RAB40B: variants seen among roughly 807,000 people sequenced by gnomAD.
The protein encoded by RAB40B is RAB40B, member RAS oncogene family.
A neutral mutation model predicts 24.0 loss-of-function variants in RAB40B; 21 were observed. That is an observed-to-expected ratio of 0.88 (90% CI 0.62 to 1.26). The LOEUF is 1.26. Ranked by LOEUF, RAB40B falls within the 50% of genes most tolerant of loss-of-function variation. The pLI is 0.00. For missense variants in RAB40B, 348 were observed against 390.5 expected, an observed-to-expected ratio of 0.89 and a Z score of 0.92; for synonymous variants, 167 against 169.8, an observed-to-expected ratio of 0.98 and a Z score of 0.13.
intron 2 of RAB40B, chr17:82,662,608 C>G: frequency 4.1e-6 from 4 of 985,304 alleles, no homozygotes; most frequent in Non-Finnish European, 4.8e-6. Flanking sequence ...ACTCCGGGGT[C>G]CACGGTGGGA....
At chr17:82,662,926 G>C (rs1333412959) in intron 2 of RAB40B, among the ~76,000 whole-genome samples, 2 of 152,160 alleles carry the variant, frequency 1.3e-5, no homozygotes, top group Admixed American at 6.5e-5. Flanking sequence ...GTGGGGCCGA[G>C]TGCGGCCTTT....
intron 2 of RAB40B, 25 bp downstream of exon 2, chr17:82,664,471 A>G (rs1331659385): frequency 1.9e-6 from 3 of 1,609,202 alleles, no homozygotes; most frequent in Non-Finnish European, 2.5e-6. Flanking sequence ...GGGGTGCGGG[A>G]CGCTCGCACC....
intron 1 of RAB40B, among the ~76,000 whole-genome samples, chr17:82,672,104 C>G (rs111174352): frequency 0.24 from 4,422 of 18,366 alleles, no homozygotes; most frequent in Middle Eastern, 0.34. Flanking sequence ...CACCCCACCC[C>G]TGTAACTCTA....
chr17:82,668,062 G>A (rs1032779928), intron 1 of RAB40B, among the ~76,000 whole-genome samples: 10 of 152,198 alleles, frequency 6.6e-5, no homozygotes, highest in Admixed American at 3.9e-4. Context: ...TGAGCGAGAC[G>A]AGGAGGAGCT....
chr17:82,681,681 A>G (rs1230097908), intron 1 of RAB40B, among the ~76,000 whole-genome samples: 3 of 152,224 alleles, frequency 2.0e-5, no homozygotes, highest in African/African-American at 4.8e-5. Flanking sequence ...TAAAAAATAT[A>G]CCAAATTCGG....
Position 82,692,067 on chromosome 17 carries a change from G to A in RAB40B, c.142+6388C>T, listed in dbSNP as rs1450104271. 4.3e-4 allele frequency among the ~76,000 whole-genome samples: 44 copies of A among 103,258 alleles called. No individual in the cohort carries two copies. The highest frequency in any genetic ancestry group is 1.2e-3 in the Admixed American group (12 of 10,350). The allele number at this position is 103,258 out of a possible 152,430, so 67.7% of individuals were successfully genotyped here. On this transcript the variant is annotated intron_variant, in intron 1 of 5. Transcript: ENST00000571995. This position sits in a 1 kb window ranked among gnomAD's most constrained non-coding sequence, Gnocchi z 4.0. ...GCAGTGGGGCCCGCACGGTCCGTGG[G>A]CTGAGGTGACAGGCAGAGCAGTGGG...
At chr17:82,685,363 G>A (rs61268931) in intron 1 of RAB40B, among the ~76,000 whole-genome samples, 2,455 of 151,430 alleles carry the variant, frequency 0.016, 70 homozygotes, top group African/African-American at 0.057. Flanking sequence ...GCACTCAACT[G>A]AACGCAGATT....
At chr17:82,695,725 C>CAAAA (rs1488980078) in intron 1 of RAB40B, among the ~76,000 whole-genome samples, 1 of 149,096 alleles carries the variant, frequency 6.7e-6, no homozygotes, top group African/African-American at 2.6e-5. Context: ...AAATAAAAAA[C>CAAAA]AAAACATAAT....
chr17:82,660,222 C>T (rs1212874520), intron 3 of RAB40B, among the ~76,000 whole-genome samples: 1 of 152,010 alleles, frequency 6.6e-6, no homozygotes, highest in Non-Finnish European at 1.5e-5. Flanking sequence ...GATGCACACA[C>T]AGTGCACACA....
chr17:82,659,507 C>T, intron 4 of RAB40B, 73 bp downstream of exon 4: 1 of 1,490,798 alleles, frequency 6.7e-7, no homozygotes, highest in Non-Finnish European at 9.3e-7. Flanking sequence ...CCTGGAGGGC[C>T]CGGCCCTAAT....
At position 82,697,465 on chromosome 17, in the gene RAB40B, G is replaced by A. The variant is rs997578644; in HGVS notation, c.142+990C>T. On this transcript the variant is annotated intron_variant, in intron 1 of 5. Coordinates refer to ENST00000571995, the MANE Select transcript of RAB40B (RefSeq NM_006822.3). This position sits in a 1 kb window ranked among gnomAD's most constrained non-coding sequence, Gnocchi z 4.9. Reference sequence around the variant, plus strand: ...CCACCAAGACTCCATCTCCACGCCCGGCTGCCCTCCTCCGCCCAGGACTCA... The same window carrying A: ...CCACCAAGACTCCATCTCCACGCCCAGCTGCCCTCCTCCGCCCAGGACTCA... Among the ~76,000 whole-genome samples the A allele has an allele frequency of 1.3e-5, 2 of 152,084 alleles. No individual in the cohort carries two copies. The highest frequency in any genetic ancestry group is 2.4e-5 in the African/African-American group (1 of 41,410).
intron 1 of RAB40B, among the ~76,000 whole-genome samples, chr17:82,677,782 T>C (rs1224705033): frequency 6.6e-6 from 1 of 152,226 alleles, no homozygotes; most frequent in Non-Finnish European, 1.5e-5. Context: ...TGGGGCCCTC[T>C]GACCCCAGAT....
intron 2 of RAB40B, chr17:82,661,947 G>C: frequency 1.0e-6 from 1 of 985,196 alleles, no homozygotes; most frequent in Non-Finnish European, 1.2e-6. Flanking sequence ...TGCTCCCCAG[G>C]GATCAGTTCC....
chr17:82,664,139 C>A (rs186567521), intron 2 of RAB40B, among the ~76,000 whole-genome samples: 20 of 98,130 alleles, frequency 2.0e-4, no homozygotes, highest in African/African-American at 9.4e-4. Context: ...GGTGCTGTGC[C>A]GATGGTGGTG....
In RAB40B at chr17:82,656,348, C is replaced by T. The variant is rs575893188; in HGVS notation, c.*1515G>A. 2 of 152,304 alleles carry T rather than the reference C, an allele frequency of 1.3e-5. No individual in the cohort carries two copies. The highest frequency in any genetic ancestry group is 1.3e-4 in the Admixed American group (2 of 15,296). 9.4% of individuals were successfully genotyped at this position (152,304 alleles called of 1,614,324 possible). On this transcript the variant is annotated 3_prime_UTR_variant, in exon 6 of 6. Transcript: ENST00000571995. ...TTTGGTTTAGTCCCTCATTTGCGAC[C>T]CCCAGCCACAGAGAAACGTTCAACA...
chr17:82,666,041 ACCACACC>A (rs2046252018), intron 1 of RAB40B, among the ~76,000 whole-genome samples: 1 of 97,200 alleles, frequency 1.0e-5, no homozygotes, highest in Admixed American at 1.2e-4. Context: ...TGCACCTGCC[ACCACACC>A]TGCCACCGCA....
chr17:82,683,648 C>T (rs2046466408), intron 1 of RAB40B, among the ~76,000 whole-genome samples: 1 of 151,704 alleles, frequency 6.6e-6, no homozygotes, highest in African/African-American at 2.4e-5. Context: ...CAAAACTTTT[C>T]TTTTTTTAAT....
rs1491332013 is a variant in RAB40B, at chr17:82,655,953, T to TTTC, written c.*1909_*1910insGAA. 1.5e-5 allele frequency: 2 copies of TTTC among 134,066 alleles called. No individual in the cohort carries two copies. The highest frequency in any genetic ancestry group is 3.9e-4 in the East Asian group (2 of 5,104). The allele number at this position is 134,066 out of a possible 1,614,324, so 8.3% of individuals were successfully genotyped here. On this transcript the variant is annotated 3_prime_UTR_variant, in exon 6 of 6. Coordinates refer to ENST00000571995, the MANE Select transcript of RAB40B (RefSeq NM_006822.3). ...GATTCTAGGGTCCCTTAAATTTCTT[T>TTTC]TTTTTTTTTTTTTTTAGATGGAGTT...
intron 5 of RAB40B, 164 bp from the exon 6 acceptor site, chr17:82,658,298 A>G (rs949899633): frequency 3.6e-6 from 4 of 1,111,716 alleles, no homozygotes; most frequent in Non-Finnish European, 5.0e-6. Context: ...CTGCCCACGT[A>G]CAGATCCCAG....
Sources: allele counts gnomAD v4.1 joint callset (sites outside exome capture counted in the v4.1 genomes callset), GRCh38; gene constraint gnomAD v4.1.1; non-coding constraint Gnocchi (gnomAD v3.1); transcripts MANE v1.5; gene names NCBI Gene and HGNC (gene_info 2026-07-23, HGNC 2026-07-21).